Variants in PPP2R5C observed in about 807,000 individuals in gnomAD.
PPP2R5C encodes the protein serine/threonine-protein phosphatase 2A 56 kDa regulatory subunit gamma isoform.
In PPP2R5C, 7 loss-of-function variants were observed where a neutral mutation model predicts 68.9. The ratio of observed to expected loss-of-function variants is 0.10; its 90% confidence interval spans 0.06 to 0.19. The LOEUF is 0.19. PPP2R5C is among the 10% of genes least tolerant of loss of function. The pLI is 1.00. For missense variants in PPP2R5C, 348 were observed against 641.3 expected (o/e 0.54, Z 4.94); for synonymous variants, 210 against 222.2 (o/e 0.95, Z 0.49).
At chr14:101,836,188 C>A (rs2041086350) in intron 1 of PPP2R5C, 2 of 702,356 alleles carry the variant, frequency 2.8e-6, no homozygotes, top group East Asian at 5.4e-5. Flanking sequence ...TGAAGCTGGG[C>A]AGGGTTTCAG....
chr14:101,909,991 G>C (rs946226740), intron 11 of PPP2R5C, among the ~76,000 whole-genome samples: 1 of 152,132 alleles, frequency 6.6e-6, no homozygotes, highest in Non-Finnish European at 1.5e-5. Context: ...GGGCTTAAAG[G>C]CTATAATGTG....
intron 1 of PPP2R5C, among the ~76,000 whole-genome samples, chr14:101,828,747 G>A (rs143304164): frequency 0.01 from 1,501 of 148,734 alleles, 33 homozygotes; most frequent in African/African-American, 0.035. Flanking sequence ...ACACGATCTC[G>A]GCTCACTGCA....
At chr14:101,848,887 AAATGTGTAGTG>A (rs2041994186) in intron 1 of PPP2R5C, among the ~76,000 whole-genome samples, 1 of 152,228 alleles carries the variant, frequency 6.6e-6, no homozygotes, top group African/African-American at 2.4e-5. Flanking sequence ...CATATGAAAC[AAATGTGTAGTG>A]AATAATTATA....
intron 1 of PPP2R5C, chr14:101,823,769 AG>A (rs917280375): frequency 4.5e-5 from 50 of 1,114,924 alleles, no homozygotes; most frequent in Non-Finnish European, 5.2e-5. Flanking sequence ...CCCCTCTCTG[AG>A]CATGCACTGA....
At chr14:101,880,694 G>T (rs1371399557) in intron 2 of PPP2R5C, among the ~76,000 whole-genome samples, 2 of 152,186 alleles carry the variant, frequency 1.3e-5, no homozygotes, top group Non-Finnish European at 2.9e-5. Flanking sequence ...CTACTTGGGA[G>T]GCTGGGGCAG....
upstream of PPP2R5C, among the ~76,000 whole-genome samples, chr14:101,809,374 A>G (rs1048078535): frequency 6.7e-6 from 1 of 149,918 alleles, no homozygotes; most frequent in Admixed American, 6.7e-5. Context: ...ATTGTGTAAT[A>G]TTTGCTTAAC....
rs1206441367 is a variant in PPP2R5C at position 101,825,032 on chromosome 14, C to T, written c.94+14996C>T. Reference sequence around the variant, plus strand: ...TTATGACTGATGAAAGGAGAGCAGCCGAGAGCAGTTAAGTGGAAGGCAAGA... The same window carrying T: ...TTATGACTGATGAAAGGAGAGCAGCTGAGAGCAGTTAAGTGGAAGGCAAGA... On this transcript the variant is annotated intron_variant, in intron 1 of 13. Coordinates refer to ENST00000334743, the Ensembl canonical transcript of PPP2R5C. This position sits in a 1 kb window ranked among gnomAD's most constrained non-coding sequence, Gnocchi z 4.0. The T allele has an allele frequency of 2.0e-5, 3 of 152,136 alleles. No individual in the cohort carries two copies. The highest frequency in any genetic ancestry group is 4.4e-5 in the Non-Finnish European group (3 of 68,066). 9.4% of individuals were successfully genotyped at this position (152,136 alleles called of 1,614,324 possible). A position where few individuals can be genotyped will look rare whatever the true frequency, so the allele number is the denominator to read the frequency against.
intron 1 of PPP2R5C, among the ~76,000 whole-genome samples, chr14:101,816,905 T>A (rs1222975299): frequency 7.9e-6 from 1 of 126,766 alleles, no homozygotes; most frequent in Non-Finnish European, 1.6e-5. Flanking sequence ...TATAAATATA[T>A]ATATAATATA....
At chr14:101,761,440 C>A (rs1039906820), upstream of PPP2R5C, among the ~76,000 whole-genome samples, 3 of 151,374 alleles carry the variant, frequency 2.0e-5, no homozygotes, top group Admixed American at 6.6e-5. Flanking sequence ...CTGCCTGAGG[C>A]CGGCTCGCAG....
At chr14:101,849,768 A>G (rs2042043404) in intron 1 of PPP2R5C, among the ~76,000 whole-genome samples, 3 of 152,128 alleles carry the variant, frequency 2.0e-5, no homozygotes, top group Non-Finnish European at 2.9e-5. Flanking sequence ...GTCCCAACAC[A>G]ACGTGTTGAA....
intron 1 of PPP2R5C, among the ~76,000 whole-genome samples, chr14:101,816,371 C>G (rs1180436397): frequency 6.6e-6 from 1 of 152,176 alleles, no homozygotes; most frequent in East Asian, 1.9e-4. Context: ...AACCAGTACT[C>G]CCACAGCAGG....
At chr14:101,923,379 T>G (rs927787079) in intron 13 of PPP2R5C, among the ~76,000 whole-genome samples, 2 of 152,226 alleles carry the variant, frequency 1.3e-5, no homozygotes, top group Non-Finnish European at 2.9e-5. Flanking sequence ...AGTGCCTATT[T>G]CAGCTGTAAT....
intron 5 of PPP2R5C, among the ~76,000 whole-genome samples, chr14:101,884,230 C>A (rs116227232): frequency 0.035 from 5,354 of 152,292 alleles, 199 homozygotes; most frequent in East Asian, 0.094. Context: ...CCACGTTCCT[C>A]TGCCTGCTTA....
chr14:101,791,776 T>C (rs535103830), intron 3 of PPP2R5C, among the ~76,000 whole-genome samples: 4 of 152,294 alleles, frequency 2.6e-5, no homozygotes, highest in African/African-American at 9.6e-5. Context: ...AAGTTTAGTA[T>C]AGTATACTAA....
At chr14:101,791,057 G>A (rs1050885874) in intron 3 of PPP2R5C, among the ~76,000 whole-genome samples, 6 of 152,106 alleles carry the variant, frequency 3.9e-5, no homozygotes, top group African/African-American at 1.4e-4. Flanking sequence ...TCCAGCCTGG[G>A]CAACAGAGCA....
intron 1 of PPP2R5C, among the ~76,000 whole-genome samples, chr14:101,811,581 G>A (rs566501183): frequency 2.6e-5 from 4 of 152,132 alleles, no homozygotes; most frequent in East Asian, 3.9e-4. Context: ...GGGCTCAAGC[G>A]ATCCTCCCAC....
In PPP2R5C at chr14:101,923,424, T is replaced by C. The variant is rs376307958; in HGVS notation, c.1444-1717T>C. 3.3e-5 allele frequency among the ~76,000 whole-genome samples: 5 copies of C among 152,330 alleles called. No individual in the cohort carries two copies. In the East Asian group the frequency reaches 9.7e-4, roughly 29 times the overall value. On this transcript the variant is annotated intron_variant, in intron 13 of 13. Transcript: ENST00000334743. ...CAAGTATATAAAAATCTTGGTTTTGTTTTGCTTCACTTTGTTTTACAGATC... is the reference window on the plus strand; with the variant it reads ...CAAGTATATAAAAATCTTGGTTTTGCTTTGCTTCACTTTGTTTTACAGATC...
At position 101,891,955 on chromosome 14, in the gene PPP2R5C, T is replaced by TG. The variant is rs2044958810; in HGVS notation, c.690-1044dup. The stretch of plus-strand genomic sequence containing the variant: ...GGGAACAGCTTTCTGTTTTTTTGTT[T>TG]GTTTTTTGTTTTTGTTTTTGAGATA... On this transcript the variant is annotated intron_variant, in intron 6 of 13. Transcript: ENST00000334743. The surrounding 1 kb of genome is among the most constrained non-coding windows in gnomAD (Gnocchi z 4.9). 1.3e-5 allele frequency among the ~76,000 whole-genome samples: 2 copies of TG among 152,314 alleles called. No homozygotes were observed.
intron 1 of PPP2R5C, among the ~76,000 whole-genome samples, chr14:101,841,591 C>CT (rs1385999035): frequency 6.6e-6 from 1 of 152,218 alleles, no homozygotes; most frequent in African/African-American, 2.4e-5. Flanking sequence ...CAGTCCTCAC[C>CT]TGAGGAGGTG....
Sources: allele counts gnomAD v4.1 joint callset (sites outside exome capture counted in the v4.1 genomes callset), GRCh38; gene constraint gnomAD v4.1.1; non-coding constraint Gnocchi (gnomAD v3.1); transcripts MANE v1.5; gene names NCBI Gene and HGNC (gene_info 2026-07-23, HGNC 2026-07-21).